The following MACO1 variants were observed in gnomAD, a reference collection of about 807,000 sequenced individuals.
MACO1 encodes macoilin 1, also known as macoilin.
In MACO1, 14 loss-of-function variants were observed where a neutral mutation model predicts 78.7. The observed-to-expected ratio is 0.18, with a 90% CI of 0.12 to 0.28. The LOEUF is 0.28. MACO1 is among the 10% of genes least tolerant of loss of function. The pLI is 1.00. For missense variants in MACO1, 501 were observed against 799.0 expected (o/e 0.63, Z 4.50); for synonymous variants, 288 against 291.6 (o/e 0.99, Z 0.12).
At chr1:25,491,890 A>G (rs570714822) in intron 10 of MACO1, among the ~76,000 whole-genome samples, 9 of 152,318 alleles carry the variant, frequency 5.9e-5, no homozygotes, top group Non-Finnish European at 1.0e-4. Flanking sequence ...AGGTATAAGT[A>G]TATACGGGGC....
chr1:25,469,129 C>T (rs1334420907), intron 6 of MACO1, among the ~76,000 whole-genome samples: 3 of 152,144 alleles, frequency 2.0e-5, no homozygotes, highest in Non-Finnish European at 4.4e-5. Flanking sequence ...AGGCGTGAGC[C>T]ACCACACCTG....
In MACO1 at chr1:25,482,176, C is replaced by T. The variant is rs181504152; in HGVS notation, c.1155-1940C>T. 1.6e-4 allele frequency among the ~76,000 whole-genome samples: 24 copies of T among 152,252 alleles called. No homozygotes were observed. The East Asian group carries it at 4.6e-3, about 29-fold the overall frequency. On this transcript the variant is annotated intron_variant, in intron 6 of 10. Transcript: ENST00000374343. ...TTAGTGACATGAACAAGAATCTCAT[C>T]AGAGCAAACTGACTTTACCTACTTG...
chr1:25,451,283 C>T (rs1180581608), intron 3 of MACO1, among the ~76,000 whole-genome samples: 1 of 152,072 alleles, frequency 6.6e-6, no homozygotes, highest in African/African-American at 2.4e-5. Context: ...GATGAAATTA[C>T]ATATGATTAC....
intron 6 of MACO1, among the ~76,000 whole-genome samples, chr1:25,464,116 A>G (rs1005756242): frequency 6.6e-6 from 1 of 152,158 alleles, no homozygotes; most frequent in African/African-American, 2.4e-5. Flanking sequence ...TAATATACAG[A>G]GTAGTTTTAC....
At chr1:25,448,970 T>G (rs202027748) in intron 3 of MACO1, 36 bp downstream of exon 3, 2 of 1,399,318 alleles carry the variant, frequency 1.4e-6, no homozygotes, top group East Asian at 2.4e-5. Flanking sequence ...GATAGAAATC[T>G]TAGATTCAAA....
intron 6 of MACO1, among the ~76,000 whole-genome samples, chr1:25,482,854 T>C (rs1196846629): frequency 6.6e-6 from 1 of 152,214 alleles, no homozygotes; most frequent in Non-Finnish European, 1.5e-5. Context: ...TTAAACCCTA[T>C]AGAACAGTGC....
chr1:25,451,212 C>A (rs1438489992), intron 3 of MACO1, among the ~76,000 whole-genome samples: 1 of 152,110 alleles, frequency 6.6e-6, no homozygotes, highest in Non-Finnish European at 1.5e-5. Flanking sequence ...GAGTGCAATT[C>A]CTATAACTTG....
At chr1:25,467,155 A>G (rs899337817) in intron 6 of MACO1, among the ~76,000 whole-genome samples, 26 of 152,172 alleles carry the variant, frequency 1.7e-4, no homozygotes, top group African/African-American at 5.8e-4. Context: ...CTACTTGGGA[A>G]GCTGACGCAG....
At chr1:25,452,942 A>T (rs2043080669) in intron 3 of MACO1, among the ~76,000 whole-genome samples, 1 of 149,304 alleles carries the variant, frequency 6.7e-6, no homozygotes, top group Non-Finnish European at 1.5e-5. Context: ...TGATCCACCC[A>T]CCTTGGCCTC....
At position 25,499,863 on chromosome 1, in the gene MACO1, ACAAG is replaced by A. The variant is rs1284599200; in HGVS notation, c.*1402_*1405del. 6.6e-6 allele frequency: 1 copy of A among 152,208 alleles called. No individual in the cohort carries two copies. Among genetic ancestry groups the A allele is most frequent in the Admixed American group, 6.5e-5 (1 of 15,276 alleles). The allele number at this position is 152,208 out of a possible 1,614,324, so 9.4% of individuals were successfully genotyped here. A position where few individuals can be genotyped will look rare whatever the true frequency, so the allele number is the denominator to read the frequency against. On this transcript the variant is annotated 3_prime_UTR_variant, in exon 11 of 11. Coordinates refer to ENST00000374343, the MANE Select transcript of MACO1 (RefSeq NM_018202.6). ...TCTCATTTAAAGCAAATTAAGTAGG[ACAAG>A]CAAGTCAGTAAAATAGAAGTATTAA...
intron 8 of MACO1, among the ~76,000 whole-genome samples, chr1:25,487,899 TA>T (rs1258452589): frequency 6.6e-6 from 1 of 152,192 alleles, no homozygotes; most frequent in Non-Finnish European, 1.5e-5. Flanking sequence ...AAAAGCTAGG[TA>T]ACCTTGAACT....
rs1557679854 is a variant in MACO1, at chr1:25,498,375, C to T, written c.1904C>T (p.Pro635Leu). The change falls in exon 11 of 11, where the codon CCT (proline) becomes CTT (leucine). Residue 635 changes from proline to leucine, a missense_variant. Pro to Leu is a moderately conservative substitution (Grantham distance 98, BLOSUM62 -3). This residue lies in a region of MACO1 where 66 missense variants were observed against 101.6 expected (regional missense o/e 0.65). Transcript: ENST00000374343. ...AGTGCCGCCACCAGCCCCCTGAGCC[C>T]TGTTTCCCCCCACTACTCTTCCAAA... Reference protein sequence around the residue: ...TYSAATSPLSPVSPHYSSKFV... With the variant: ...TYSAATSPLSLVSPHYSSKFV... 2 of 1,614,156 alleles carry T rather than the reference C, an allele frequency of 1.2e-6. No homozygotes were observed. Among genetic ancestry groups the T allele is most frequent in the Non-Finnish European group, 1.7e-6 (2 of 1,180,024 alleles).
chr1:25,458,214 TC>T (rs755916375), intron 5 of MACO1, among the ~76,000 whole-genome samples, 176 bp from the exon 6 acceptor site: 8 of 152,242 alleles, frequency 5.3e-5, no homozygotes, highest in Non-Finnish European at 1.0e-4. Context: ...TTCTATTTTT[TC>T]CTACATCTTC....
intron 1 of MACO1, among the ~76,000 whole-genome samples, chr1:25,445,298 CAA>C (rs200267893): frequency 5.0e-4 from 54 of 107,024 alleles, no homozygotes; most frequent in Admixed American, 3.9e-4. Flanking sequence ...GACCCTGTCT[CAA>C]AAAAAAAAAA....
At position 25,458,807 on chromosome 1, in the gene MACO1, A is replaced by G. The variant is rs776318552; in HGVS notation, c.1069A>G (p.Thr357Ala). The stretch of plus-strand genomic sequence containing the variant: ...TAAAAATGAGAAGAAGCAGAAATGC[A>G]CTAGCAAGAGCCCAAGTACACACAA... ...SSKNEKKQKCTSKSPSTHKDL... is the reference protein window; with the variant it reads ...SSKNEKKQKCASKSPSTHKDL... Residue 357 changes from threonine to alanine, a missense_variant, in exon 6 of 11, where the codon ACT (threonine) becomes GCT (alanine). Physicochemically the swap from Thr to Ala is moderately conservative, Grantham distance 58. This residue lies in a region of MACO1 where 163 missense variants were observed against 271.9 expected (regional missense o/e 0.60). Transcript: ENST00000374343. 4.3e-6 allele frequency: 7 copies of G among 1,614,098 alleles called. No individual in the cohort carries two copies. The African/African-American group carries it at 6.7e-5, about 15-fold the overall frequency.
intron 1 of MACO1, among the ~76,000 whole-genome samples, chr1:25,444,400 A>G (rs1401281371): frequency 6.6e-6 from 1 of 151,984 alleles, no homozygotes; most frequent in Non-Finnish European, 1.5e-5. Flanking sequence ...GCTTCTAGCT[A>G]TGCCATTTTT....
intron 10 of MACO1, among the ~76,000 whole-genome samples, chr1:25,493,197 A>G (rs1222332053): frequency 6.6e-6 from 1 of 152,188 alleles, no homozygotes; most frequent in Non-Finnish European, 1.5e-5. Context: ...CAAGTGGATT[A>G]TATCTATCAA....
chr1:25,484,191 G>C lies in MACO1; in HGVS notation c.1230G>C (p.Gln410His), dbSNP rs1465096435. 1 of 1,614,030 alleles carries C rather than the reference G, an allele frequency of 6.2e-7. No individual in the cohort carries two copies. The highest frequency in any genetic ancestry group is 8.5e-7 in the Non-Finnish European group (1 of 1,180,006). Residue 410 changes from glutamine (Q) to histidine (H), a missense_variant, in exon 7 of 11, where the codon CAG (glutamine) becomes CAC (histidine). By Grantham distance (24) the Gln-to-His change is conservative. Coordinates refer to ENST00000374343, the MANE Select transcript of MACO1 (RefSeq NM_018202.6). ...SRQVEQELRS[Q>H]ISSLSSTERG... ...AAGTGGAACAAGAGCTCCGCAGTCA[G>C]ATCAGCTCCCTTTCGAGCACCGAGC... is the stretch of plus-strand genomic sequence containing the variant.
At chr1:25,457,131 T>G (rs2043128858) in intron 5 of MACO1, among the ~76,000 whole-genome samples, 1 of 151,840 alleles carries the variant, frequency 6.6e-6, no homozygotes, top group African/African-American at 2.4e-5. Flanking sequence ...ACAGGGAGGG[T>G]CTCACTCTGT....
Sources: allele counts gnomAD v4.1 joint callset (sites outside exome capture counted in the v4.1 genomes callset), GRCh38; gene constraint gnomAD v4.1.1; regional missense constraint gnomAD v4.1.1; transcripts MANE v1.5; gene names NCBI Gene and HGNC (gene_info 2026-07-23, HGNC 2026-07-21).